EFCAB13: variants seen among roughly 807,000 people sequenced by gnomAD.
EFCAB13 encodes the protein EF-hand calcium-binding domain-containing protein 13.
In EFCAB13, 91 loss-of-function variants were observed where a neutral mutation model predicts 110.2. That is an observed-to-expected ratio of 0.83 (90% CI 0.70 to 0.98). The LOEUF (loss-of-function observed/expected upper bound fraction) is 0.98, where lower values mean the gene tolerates loss of function less well. Ranked by LOEUF, EFCAB13 falls within the 50% of genes least tolerant of loss-of-function variation. The pLI is 0.00. For missense variants in EFCAB13, 968 were observed against 1,119.4 expected (o/e 0.86, Z 1.93); for synonymous variants, 323 against 369.9 (o/e 0.87, Z 1.45).
chr17:47,386,436 G>C (rs1488828237), intron 14 of EFCAB13, among the ~76,000 whole-genome samples: 2 of 152,160 alleles, frequency 1.3e-5, no homozygotes, highest in African/African-American at 4.8e-5. Flanking sequence ...GGCCTTTTTA[G>C]CGCTGTCAGG....
At chr17:47,373,130 G>A (rs918180144) in intron 11 of EFCAB13, among the ~76,000 whole-genome samples, 5 of 151,358 alleles carry the variant, frequency 3.3e-5, no homozygotes, top group African/African-American at 7.3e-5. Context: ...TTTATTCACC[G>A]CAGACTATAT....
intron 9 of EFCAB13, among the ~76,000 whole-genome samples, chr17:47,356,565 G>T (rs188012704): frequency 1.3e-5 from 2 of 152,330 alleles, no homozygotes; most frequent in East Asian, 3.9e-4. Flanking sequence ...AGAGTCCTGT[G>T]ATGTATTCCA....
chr17:47,421,391 G>C (rs1567805932), intron 23 of EFCAB13, among the ~76,000 whole-genome samples: 1 of 152,050 alleles, frequency 6.6e-6, no homozygotes, highest in Non-Finnish European at 1.5e-5. Flanking sequence ...ATTAAGGGCG[G>C]TGCAAGATGT....
chr17:47,360,573 G>A (rs1231084138), intron 9 of EFCAB13, among the ~76,000 whole-genome samples: 1 of 152,072 alleles, frequency 6.6e-6, no homozygotes, highest in Non-Finnish European at 1.5e-5. Context: ...CCATTTTGTA[G>A]TTGCCTGTTC....
intron 23 of EFCAB13, among the ~76,000 whole-genome samples, chr17:47,417,990 G>A (rs1351262828): frequency 1.3e-5 from 2 of 152,142 alleles, no homozygotes; most frequent in Non-Finnish European, 2.9e-5. Context: ...CTTTGGTGTT[G>A]AATTCATAGA....
At chr17:47,416,885 G>T (rs1179501828) in intron 23 of EFCAB13, among the ~76,000 whole-genome samples, 1 of 152,162 alleles carries the variant, frequency 6.6e-6, no homozygotes, top group Non-Finnish European at 1.5e-5. Context: ...ACGAAAGAAA[G>T]TCCACATTTC....
Position 47,379,181 on chromosome 17 carries a change from G to T in EFCAB13, c.1511-1G>T, listed in dbSNP as rs749145232. ...ATAATCTAAACTCTTTTTAAAAACAGAGAATGGAATGGTGGAGTTAGATGA... is the reference window on the plus strand; with the variant it reads ...ATAATCTAAACTCTTTTTAAAAACATAGAATGGAATGGTGGAGTTAGATGA... On this transcript the variant is annotated splice_acceptor_variant, in intron 13 of 24. Coordinates refer to ENST00000331493, the MANE Select transcript of EFCAB13 (RefSeq NM_152347.5). LOFTEE classifies it high-confidence loss of function. 6 of 1,612,204 alleles carry T rather than the reference G, an allele frequency of 3.7e-6. No homozygotes were observed. The highest frequency in any genetic ancestry group is 5.1e-6 in the Non-Finnish European group (6 of 1,178,680).
chr17:47,364,681 C>T (rs1450025700), intron 10 of EFCAB13, among the ~76,000 whole-genome samples: 2 of 152,204 alleles, frequency 1.3e-5, no homozygotes, highest in African/African-American at 2.4e-5. Context: ...AAGTATACCC[C>T]TGTCCACTCT....
intron 4 of EFCAB13, among the ~76,000 whole-genome samples, chr17:47,331,331 C>T (rs2065318474): frequency 6.6e-6 from 1 of 152,034 alleles, no homozygotes; most frequent in Admixed American, 6.6e-5. Flanking sequence ...GGGTCATAGT[C>T]ATAAATTCTT....
At chr17:47,372,651 A>G (rs961120329) in intron 11 of EFCAB13, among the ~76,000 whole-genome samples, 1 of 152,122 alleles carries the variant, frequency 6.6e-6, no homozygotes, top group South Asian at 2.1e-4. Context: ...AACTCTTTCA[A>G]CTTTTGTCTG....
chr17:47,357,196 C>T (rs1043843083), intron 9 of EFCAB13, among the ~76,000 whole-genome samples: 1 of 152,168 alleles, frequency 6.6e-6, no homozygotes, highest in Non-Finnish European at 1.5e-5. Flanking sequence ...AGTTACTTGC[C>T]TGTCCCACAG....
rs7217678 is a variant in EFCAB13, at chr17:47,394,077, G to A, written c.1779G>A (p.Thr593=). ...KEFIDTMMSN[T]ECFSEKLVLP... ...TCATTGATACTATGATGAGCAACAC[G>A]GAATGCTTCTCTGAAAAATTAGGTA... Residue 593 remains threonine (T), a synonymous_variant, in exon 16 of 25, where the codon ACG becomes ACA. Transcript: ENST00000331493. The A allele has an allele frequency of 3.1e-3, 4,803 of 1,535,150 alleles. 113 individuals are homozygous for A. In the African/African-American group the frequency reaches 0.055, roughly 18 times the overall value.
At chr17:47,426,580 A>G (rs1904967236) in intron 23 of EFCAB13, among the ~76,000 whole-genome samples, 1 of 152,208 alleles carries the variant, frequency 6.6e-6, no homozygotes. Flanking sequence ...TGTTAGCACT[A>G]TAGTGAGCTT....
At chr17:47,335,135 G>A in intron 4 of EFCAB13, 61 bp from the exon 5 acceptor site, 5 of 1,438,986 alleles carry the variant, frequency 3.5e-6, no homozygotes, top group Non-Finnish European at 4.6e-6. Flanking sequence ...GACCCAGAAT[G>A]TCATATTTAA....
intron 7 of EFCAB13, among the ~76,000 whole-genome samples, 199 bp from the exon 8 acceptor site, chr17:47,344,817 A>C (rs1451297910): frequency 1.3e-5 from 2 of 152,148 alleles, no homozygotes; most frequent in African/African-American, 4.8e-5. Context: ...ACTAGGGTGA[A>C]TTCTGCTTTA....
chr17:47,347,538 T>G (rs1772046640), intron 8 of EFCAB13, among the ~76,000 whole-genome samples: 1 of 151,962 alleles, frequency 6.6e-6, no homozygotes, highest in Non-Finnish European at 1.5e-5. Flanking sequence ...AGAGGAAAAA[T>G]TTACCATTCC....
At chr17:47,400,990 A>G (rs1447617014) in intron 17 of EFCAB13, among the ~76,000 whole-genome samples, 1 of 152,246 alleles carries the variant, frequency 6.6e-6, no homozygotes, top group East Asian at 1.9e-4. Flanking sequence ...AATGGAATGT[A>G]CAAACACTTC....
rs1398988696 is a variant in EFCAB13 at position 47,355,143 on chromosome 17, G to A, written c.662-6235G>A. Among the ~76,000 whole-genome samples the A allele has an allele frequency of 3.3e-5, 5 of 152,166 alleles. No homozygotes were observed. In the East Asian group the frequency reaches 7.7e-4, roughly 23 times the overall value. ...ATTTTTCCTTCATTTATGAAGCTCAGTTTCACTGGATACAAAATTCTTGGC... is the reference window on the plus strand; with the variant it reads ...ATTTTTCCTTCATTTATGAAGCTCAATTTCACTGGATACAAAATTCTTGGC... On this transcript the variant is annotated intron_variant, in intron 9 of 24. Transcript: ENST00000331493.
At position 47,396,293 on chromosome 17, in the gene EFCAB13, G is replaced by C. The variant is rs530444479; in HGVS notation, c.1945+316G>C. The stretch of plus-strand genomic sequence containing the variant: ...AGGGCATGATTAGGAAATGTTAAGA[G>C]ATCTATTCAAATTTTATAATAACAG... On this transcript the variant is annotated intron_variant, in intron 17 of 24. Coordinates refer to ENST00000331493, the MANE Select transcript of EFCAB13 (RefSeq NM_152347.5). Among the ~76,000 whole-genome samples the C allele has an allele frequency of 2.5e-3, 380 of 152,106 alleles. 3 individuals are homozygous for C. Among genetic ancestry groups the C allele is most frequent in the African/African-American group, 8.9e-3 (371 of 41,504 alleles).
Sources: gnomAD v4.1 joint callset for allele counts (sites outside exome capture counted in the v4.1 genomes callset) on GRCh38, gnomAD v4.1.1 for gene constraint, MANE v1.5 for transcripts, NCBI Gene and HGNC (gene_info 2026-07-23, HGNC 2026-07-21) for gene names.